MTF2: variants seen among roughly 807,000 people sequenced by gnomAD.
The protein encoded by MTF2 is metal-response element-binding transcription factor 2.
MTF2 carries 11 observed loss-of-function variants against 79.5 expected under a neutral mutation model. That is an observed-to-expected ratio of 0.14 (90% CI 0.09 to 0.23). The LOEUF (loss-of-function observed/expected upper bound fraction) is 0.23. Among genes scored for constraint, MTF2 ranks in the 10% least tolerant of loss-of-function variants. The pLI, the probability that MTF2 is intolerant of heterozygous loss-of-function variation, is 1.00. For synonymous variants in MTF2, 208 were observed against 232.8 expected (o/e 0.89, Z 0.97); for missense variants, 486 against 711.2 (o/e 0.68, Z 3.60).
intron 1 of MTF2, among the ~76,000 whole-genome samples, chr1:93,107,357 T>C (rs1397837695): frequency 6.6e-6 from 1 of 152,166 alleles, no homozygotes; most frequent in Non-Finnish European, 1.5e-5. Context: ...CCCGAGTAGC[T>C]GGGATTACAG....
chr1:93,107,453 T>G (rs1655842556), intron 1 of MTF2, among the ~76,000 whole-genome samples: 1 of 152,188 alleles, frequency 6.6e-6, no homozygotes, highest in Non-Finnish European at 1.5e-5. Flanking sequence ...CTTGAACTCC[T>G]GGCCTCAAAT....
At chr1:93,121,603 T>C (rs1656480889) in intron 9 of MTF2, 9 of 976,604 alleles carry the variant, frequency 9.2e-6, no homozygotes, top group South Asian at 4.7e-5. Context: ...AGGGAGAACA[T>C]AATGCATGAT....
At chr1:93,101,366 CTTTTTTTTTTTTTT>C (rs71586777) in intron 1 of MTF2, among the ~76,000 whole-genome samples, 9 of 108,616 alleles carry the variant, frequency 8.3e-5, no homozygotes, top group South Asian at 5.9e-4. Context: ...CTATCTTAAC[CTTTTTTTTTTTTTT>C]TTTTTTTTTT....
chr1:93,132,697 C>CT (rs1289421485), intron 11 of MTF2, among the ~76,000 whole-genome samples: 1 of 152,018 alleles, frequency 6.6e-6, no homozygotes, highest in African/African-American at 2.4e-5. Flanking sequence ...ATTCCCTGAC[C>CT]TTTTTTGGCA....
chr1:93,103,545 A>T (rs940903140), intron 1 of MTF2, among the ~76,000 whole-genome samples: 6 of 152,020 alleles, frequency 3.9e-5, no homozygotes, highest in African/African-American at 1.4e-4. Context: ...TGAATTATAA[A>T]TATGTAGTAC....
chr1:93,089,849 CT>C (rs368478215), intron 1 of MTF2, among the ~76,000 whole-genome samples: 29 of 144,100 alleles, frequency 2.0e-4, no homozygotes, highest in African/African-American at 1.8e-4. Flanking sequence ...CTTGATTTTC[CT>C]TTTTTTTTTT....
At chr1:93,126,110 G>GT (rs1309887245) in intron 9 of MTF2, among the ~76,000 whole-genome samples, 2 of 151,432 alleles carry the variant, frequency 1.3e-5, no homozygotes, top group Non-Finnish European at 2.9e-5. Flanking sequence ...TACAGTAGGA[G>GT]TTGGTGGTTT....
At chr1:93,082,487 A>G (rs1654649378) in intron 1 of MTF2, among the ~76,000 whole-genome samples, 1 of 151,958 alleles carries the variant, frequency 6.6e-6, no homozygotes. Context: ...ACGGGATCTT[A>G]CTGTGTTGCC....
At chr1:93,128,628 G>A (rs1427896706) in intron 10 of MTF2, among the ~76,000 whole-genome samples, 2 of 151,462 alleles carry the variant, frequency 1.3e-5, no homozygotes, top group Non-Finnish European at 2.9e-5. Flanking sequence ...TTGTGGCCAG[G>A]CAAGTTTCAG....
In MTF2 at chr1:93,101,542, G is replaced by A. The variant is rs149913985; in HGVS notation, c.6-8688G>A. Among the ~76,000 whole-genome samples the A allele has an allele frequency of 4.4e-3, 428 of 97,860 alleles. 2 individuals carry two copies. Among genetic ancestry groups the A allele is most frequent in the Non-Finnish European group, 6.7e-3 (330 of 49,274 alleles). 64.2% of individuals were successfully genotyped at this position (97,860 alleles called of 152,430 possible). ...TTTTTTAAAAATTTTCTGTAGGAATGTGGTCTTGCCATGTTGCTCAGGCTG... is the reference window on the plus strand; with the variant it reads ...TTTTTTAAAAATTTTCTGTAGGAATATGGTCTTGCCATGTTGCTCAGGCTG... On this transcript the variant is annotated intron_variant, in intron 1 of 14. Transcript: ENST00000370298.
intron 9 of MTF2, among the ~76,000 whole-genome samples, chr1:93,123,121 C>T (rs188836400): frequency 3.3e-5 from 5 of 151,004 alleles, no homozygotes. Flanking sequence ...ATTTTCAAAA[C>T]ATGGGAAGTA....
chr1:93,130,186 G>A (rs528452644), intron 11 of MTF2, among the ~76,000 whole-genome samples: 1 of 152,306 alleles, frequency 6.6e-6, no homozygotes, highest in African/African-American at 2.4e-5. Context: ...GAAAGATTAG[G>A]TGGGGCTTGA....
chr1:93,123,495 G>A (rs1656570807), intron 9 of MTF2, among the ~76,000 whole-genome samples: 1 of 151,818 alleles, frequency 6.6e-6, no homozygotes. Context: ...CCTTCCTCTT[G>A]CCACCAGATC....
chr1:93,101,583 T>TTTTTTG (rs1557546815), intron 1 of MTF2, among the ~76,000 whole-genome samples: 4 of 112,400 alleles, frequency 3.6e-5, no homozygotes, highest in African/African-American at 1.2e-4. Flanking sequence ...TTTTTTTTTT[T>TTTTTTG]TTTTTTTTTT....
intron 3 of MTF2, 137 bp from the exon 4 acceptor site, chr1:93,114,551 G>A (rs944869543): frequency 1.3e-5 from 7 of 552,018 alleles, no homozygotes; most frequent in African/African-American, 3.8e-5. Context: ...GATACCATTC[G>A]TGTACTTTGT....
intron 10 of MTF2, among the ~76,000 whole-genome samples, chr1:93,128,085 G>T (rs753765104): frequency 6.6e-6 from 1 of 152,066 alleles, no homozygotes; most frequent in Non-Finnish European, 1.5e-5. Flanking sequence ...ATATGACCTT[G>T]AAGTATAATA....
At chr1:93,085,077 A>T (rs897403365) in intron 1 of MTF2, among the ~76,000 whole-genome samples, 4 of 152,186 alleles carry the variant, frequency 2.6e-5, no homozygotes, top group African/African-American at 9.7e-5. Flanking sequence ...GGGAGATAGA[A>T]GGGTAGTTTG....
chr1:93,102,837 A>G (rs1026581415), intron 1 of MTF2, among the ~76,000 whole-genome samples: 4 of 152,092 alleles, frequency 2.6e-5, no homozygotes, highest in East Asian at 1.9e-4. Flanking sequence ...AATTTTAGCC[A>G]TGAAATTTTA....
At chr1:93,109,704 A>C (rs1404693187) in intron 1 of MTF2, among the ~76,000 whole-genome samples, 1 of 151,946 alleles carries the variant, frequency 6.6e-6, no homozygotes, top group Non-Finnish European at 1.5e-5. Context: ...TTAAACTCTC[A>C]GTCTGCATAT....
Sources: gnomAD v4.1 joint callset for allele counts (sites outside exome capture counted in the v4.1 genomes callset) on GRCh38, gnomAD v4.1.1 for gene constraint, MANE v1.5 for transcripts, NCBI Gene and HGNC (gene_info 2026-07-23, HGNC 2026-07-21) for gene names.